BIRC6: variants seen among roughly 807,000 people sequenced by gnomAD.
The protein encoded by BIRC6 is dual E2 ubiquitin-conjugating enzyme/E3 ubiquitin-protein ligase BIRC6.
BIRC6 carries 98 observed loss-of-function variants against 503.3 expected under a neutral mutation model. The observed-to-expected ratio is 0.19, with a 90% CI of 0.17 to 0.23. BIRC6 has a LOEUF of 0.23. Among genes scored for constraint, BIRC6 ranks in the 10% least tolerant of loss-of-function variants. The pLI is 1.00. For missense variants in BIRC6, 5,360 were observed against 5,806.0 expected (o/e 0.92, Z 2.50); for synonymous variants, 2,240 against 2,078.7 (o/e 1.08, Z -2.11).
chr2:32,384,344 C>T (rs1302444396), intron 3 of BIRC6, among the ~76,000 whole-genome samples: 2 of 151,802 alleles, frequency 1.3e-5, no homozygotes, highest in Non-Finnish European at 2.9e-5. Flanking sequence ...CCAGCTTCAT[C>T]AGGATGATAC....
intron 72 of BIRC6, among the ~76,000 whole-genome samples, chr2:32,609,789 A>AT (rs2062733181): frequency 6.6e-6 from 1 of 151,378 alleles, no homozygotes; most frequent in South Asian, 2.1e-4. Flanking sequence ...TATGCATATC[A>AT]TTTTTTTCAG....
chr2:32,543,107 T>C, intron 61 of BIRC6, 134 bp from the exon 62 acceptor site: 1 of 1,066,522 alleles, frequency 9.4e-7, no homozygotes. Flanking sequence ...GCTGGAAGCT[T>C]GTTTTTTAAA....
intron 16 of BIRC6, among the ~76,000 whole-genome samples, chr2:32,440,948 A>G (rs760515972): frequency 8.6e-5 from 13 of 151,780 alleles, no homozygotes; most frequent in Non-Finnish European, 1.8e-4. Context: ...TTTGGTAGAG[A>G]TAGGGTTTCA....
chr2:32,518,568 T>A (rs1292249104), intron 56 of BIRC6, among the ~76,000 whole-genome samples, 171 bp downstream of exon 56: 1 of 152,204 alleles, frequency 6.6e-6, no homozygotes, highest in Non-Finnish European at 1.5e-5. Flanking sequence ...CTCTCCCTCA[T>A]GCCTAGGAAT....
Position 32,545,716 on chromosome 2 carries a change from C to T in BIRC6, c.12666C>T (p.Ser4222=). Residue 4222 remains serine (S), a synonymous_variant, in exon 63 of 74, where the codon AGC becomes AGT. Transcript: ENST00000421745. ...TCCACGTCCTTCGTAGCTTGTTTAG[C>T]ACTACACCTTTGACAACTGATGATG... is the stretch of plus-strand genomic sequence containing the variant. ...LPFHVLRSLF[S]TTPLTTDDGV... The T allele has an allele frequency of 6.2e-7, 1 of 1,613,856 alleles. No individual in the cohort carries two copies.
intron 39 of BIRC6, among the ~76,000 whole-genome samples, chr2:32,485,231 C>G (rs2050862593): frequency 6.6e-6 from 1 of 152,138 alleles, no homozygotes. Context: ...CACTTGGCAT[C>G]TATATTTCTG....
At chr2:32,445,844 T>C (rs985078363) in intron 21 of BIRC6, among the ~76,000 whole-genome samples, 176 bp downstream of exon 21, 2 of 152,180 alleles carry the variant, frequency 1.3e-5, no homozygotes, top group African/African-American at 2.4e-5. Flanking sequence ...TTCTTCTGTT[T>C]TGTCAGAAAT....
At chr2:32,434,248 A>G (rs2044438731) in intron 13 of BIRC6, among the ~76,000 whole-genome samples, 1 of 152,192 alleles carries the variant, frequency 6.6e-6, no homozygotes, top group Non-Finnish European at 1.5e-5. Context: ...TTGAGTTATT[A>G]AAGTAGATTA....
Position 32,580,815 on chromosome 2 carries a change from CATATTATGGACTT to C in BIRC6, c.13355+5451_13355+5463del, listed in dbSNP as rs1367958704. ...TGGTACTCATCAGCACTCTTGCTCT[CATATTATGGACTT>C]AATAGATAGTTAGTTTCCAGGTAGA... On this transcript the variant is annotated intron_variant, in intron 66 of 73. Coordinates refer to ENST00000421745, the MANE Select transcript of BIRC6 (RefSeq NM_016252.4). Among the ~76,000 whole-genome samples, 15 of 152,292 alleles carry C rather than the reference CATATTATGGACTT, an allele frequency of 9.8e-5. No individual in the cohort carries two copies. The East Asian group carries it at 2.9e-3, about 29-fold the overall frequency.
At position 32,468,689 on chromosome 2, in the gene BIRC6, A is replaced by T. The variant is rs1458233566; in HGVS notation, c.6033A>T (p.Pro2011=). ...SRKMLSETSN[P]EDLIQTSSTE... ...AGATGTTGAGTGAAACATCAAATCC[A>T]GAAGATTTAATTCAGACATCTTCCA... The change falls in exon 29 of 74, where the codon CCA becomes CCT. Residue 2011 remains proline, a synonymous_variant. Coordinates refer to ENST00000421745, the MANE Select transcript of BIRC6 (RefSeq NM_016252.4). The T allele has an allele frequency of 3.7e-6, 6 of 1,613,900 alleles. No homozygotes were observed. The highest frequency in any genetic ancestry group is 5.1e-6 in the Non-Finnish European group (6 of 1,179,858).
chr2:32,595,231 A>G (rs983057699), intron 68 of BIRC6, 87 bp downstream of exon 68: 26 of 777,432 alleles, frequency 3.3e-5, no homozygotes, highest in Non-Finnish European at 5.1e-5. Context: ...CAAATTAAAG[A>G]TTTTTAAAAT....
At chr2:32,422,811 C>G (rs991199494) in intron 10 of BIRC6, among the ~76,000 whole-genome samples, 1 of 152,158 alleles carries the variant, frequency 6.6e-6, no homozygotes. Context: ...ATACTTAGTA[C>G]TCCAATGTGC....
intron 8 of BIRC6, among the ~76,000 whole-genome samples, chr2:32,403,806 T>C (rs2040867266): frequency 1.3e-5 from 2 of 152,188 alleles, no homozygotes; most frequent in Admixed American, 1.3e-4. Flanking sequence ...AGTGCATGCT[T>C]ATTGCAGGAA....
chr2:32,513,486 A>C (rs2054650242), intron 54 of BIRC6, among the ~76,000 whole-genome samples: 1 of 152,192 alleles, frequency 6.6e-6, no homozygotes, highest in Non-Finnish European at 1.5e-5. Context: ...ACAGCTAGAC[A>C]ACTTTGGGGG....
At chr2:32,370,100 A>C (rs1479248202) in intron 1 of BIRC6, among the ~76,000 whole-genome samples, 1 of 147,658 alleles carries the variant, frequency 6.8e-6, no homozygotes, top group African/African-American at 2.5e-5. Context: ...CGGGTGTGCC[A>C]AGTTCAGCAT....
intron 1 of BIRC6, among the ~76,000 whole-genome samples, chr2:32,371,826 G>T (rs1339645423): frequency 6.6e-6 from 1 of 151,960 alleles, no homozygotes; most frequent in Non-Finnish European, 1.5e-5. Context: ...TGTGTTTTGA[G>T]ACAGAGTCTC....
At position 32,592,455 on chromosome 2, in the gene BIRC6, C is replaced by T. The variant is rs116222441; in HGVS notation, c.13356-1460C>T. Among the ~76,000 whole-genome samples, 1,289 of 152,280 alleles carry T rather than the reference C, an allele frequency of 8.5e-3. 9 individuals are homozygous for T. Among genetic ancestry groups the T allele is most frequent in the Middle Eastern group, 0.02 (6 of 294 alleles). On this transcript the variant is annotated intron_variant, in intron 66 of 73. Transcript: ENST00000421745. ...ATGATACTATTTTCATTTATTCTTC[C>T]TACCCACTTGAGTGGCTTCTGAGTT... is the stretch of plus-strand genomic sequence containing the variant.
At chr2:32,473,062 T>C (rs1558826489) in intron 32 of BIRC6, 50 bp from the exon 33 acceptor site, 1 of 1,475,846 alleles carries the variant, frequency 6.8e-7, no homozygotes, top group Non-Finnish European at 9.1e-7. Context: ...AAAGGTACTT[T>C]AAAATCACAT....
Position 32,597,119 on chromosome 2 carries a change from A to G in BIRC6, c.13613-632A>G, listed in dbSNP as rs1262292270. On this transcript the variant is annotated intron_variant, in intron 68 of 73. Coordinates refer to ENST00000421745, the MANE Select transcript of BIRC6 (RefSeq NM_016252.4). ...AGAAACTGCATTTTCAACCATATGT[A>G]TCAAACATTTTCTAGTATCATTCTT... is the stretch of plus-strand genomic sequence containing the variant. Among the ~76,000 whole-genome samples the G allele has an allele frequency of 2.6e-5, 4 of 152,360 alleles. No individual in the cohort carries two copies. In the South Asian group the frequency reaches 6.2e-4, roughly 24 times the overall value.
Sources: allele counts gnomAD v4.1 joint callset (sites outside exome capture counted in the v4.1 genomes callset), GRCh38; gene constraint gnomAD v4.1.1; transcripts MANE v1.5; gene names NCBI Gene and HGNC (gene_info 2026-07-23, HGNC 2026-07-21).